Variants in ZMYM5 observed in about 807,000 individuals in gnomAD.
ZMYM5 encodes zinc finger MYM-type protein 5.
ZMYM5 carries 41 observed loss-of-function variants against 61.8 expected under a neutral mutation model. The observed-to-expected ratio is 0.66, with a 90% CI of 0.52 to 0.86. The LOEUF (loss-of-function observed/expected upper bound fraction) is 0.86. ZMYM5 is among the 40% of genes least tolerant of loss of function. The pLI, the probability that ZMYM5 is intolerant of heterozygous loss-of-function variation, is 0.00. For missense variants in ZMYM5, 706 were observed against 786.7 expected (o/e 0.90, Z 1.23); for synonymous variants, 257 against 276.4 (o/e 0.93, Z 0.70).
At chr13:19,854,797 A>G (rs1953445625) in intron 2 of ZMYM5, among the ~76,000 whole-genome samples, 1 of 152,178 alleles carries the variant, frequency 6.6e-6, no homozygotes, top group Non-Finnish European at 1.5e-5. Flanking sequence ...GGAAATTAAG[A>G]GCCAGGAGAT....
At chr13:19,840,232 G>A (rs571164244) in intron 4 of ZMYM5, among the ~76,000 whole-genome samples, 8 of 152,310 alleles carry the variant, frequency 5.3e-5, no homozygotes, top group East Asian at 3.9e-4. Context: ...GAGGCCAGAG[G>A]TTTAAGACTC....
At chr13:19,849,764 G>C (rs1244288994) in intron 4 of ZMYM5, among the ~76,000 whole-genome samples, 1 of 152,122 alleles carries the variant, frequency 6.6e-6, no homozygotes, top group African/African-American at 2.4e-5. Context: ...TGAATCACTT[G>C]AGGTCAGGAG....
chr13:19,850,878 C>A (rs1048890925), intron 4 of ZMYM5, among the ~76,000 whole-genome samples: 2 of 152,124 alleles, frequency 1.3e-5, no homozygotes, highest in East Asian at 1.9e-4. Flanking sequence ...ACCAAGTAGA[C>A]CGTACAGTTT....
At chr13:19,861,901 A>T (rs1205841971) in intron 2 of ZMYM5, among the ~76,000 whole-genome samples, 1 of 151,860 alleles carries the variant, frequency 6.6e-6, no homozygotes, top group Non-Finnish European at 1.5e-5. Context: ...CCTAACAGAG[A>T]GAGATCAGGC....
intron 6 of ZMYM5, chr13:19,837,398 C>A (rs1055587817): frequency 6.9e-7 from 1 of 1,457,360 alleles, no homozygotes; most frequent in Non-Finnish European, 9.0e-7. Context: ...ATAACAAAAT[C>A]CACCATAAAA....
Position 19,826,224 on chromosome 13 carries a change from C to T in ZMYM5, c.1252-989G>A, listed in dbSNP as rs375831279. Among the ~76,000 whole-genome samples, 513 of 151,880 alleles carry T rather than the reference C, an allele frequency of 3.4e-3. 2 individuals carry two copies. The highest frequency in any genetic ancestry group is 0.026 in the South Asian group (126 of 4,804). On this transcript the variant is annotated intron_variant, in intron 7 of 7. Transcript: ENST00000337963. ...TAAATTAGATGGGTATGGTGGCAGG[C>T]GCCTGTAATTCAAACTACTCGGGAG...
intron 7 of ZMYM5, among the ~76,000 whole-genome samples, chr13:19,831,813 A>C (rs964863703): frequency 6.7e-6 from 1 of 150,174 alleles, no homozygotes; most frequent in Non-Finnish European, 1.5e-5. Flanking sequence ...AAAAAAAAAA[A>C]ACCATATGTA....
intron 7 of ZMYM5, among the ~76,000 whole-genome samples, chr13:19,834,667 A>G (rs1699561969): frequency 6.6e-6 from 1 of 152,020 alleles, no homozygotes; most frequent in African/African-American, 2.4e-5. Context: ...AAGAAAAATT[A>G]GTCTTTTAAA....
chr13:19,833,986 T>C (rs1952597108), intron 7 of ZMYM5, among the ~76,000 whole-genome samples: 1 of 152,012 alleles, frequency 6.6e-6, no homozygotes, highest in Non-Finnish European at 1.5e-5. Context: ...TTCCTTTTTC[T>C]TTTTTTTGAG....
chr13:19,858,208 AAAAAAAAC>A (rs1953581784), intron 2 of ZMYM5, among the ~76,000 whole-genome samples: 1 of 151,378 alleles, frequency 6.6e-6, no homozygotes, highest in Non-Finnish European at 1.5e-5. Flanking sequence ...AAAATTAAAA[AAAAAAAAC>A]AAAAAAACCA....
intron 6 of ZMYM5, 31 bp from the exon 7 acceptor site, chr13:19,835,720 G>A: frequency 7.4e-7 from 1 of 1,352,292 alleles, no homozygotes; most frequent in Non-Finnish European, 9.9e-7. Flanking sequence ...CATTAACTAA[G>A]ATATATGAAC....
intron 4 of ZMYM5, among the ~76,000 whole-genome samples, chr13:19,840,323 T>C (rs1442661112): frequency 6.6e-6 from 1 of 152,154 alleles, no homozygotes; most frequent in African/African-American, 2.4e-5. Context: ...GAAACCAGCC[T>C]AGGTAACAAG....
chr13:19,837,769 A>G lies in ZMYM5; in HGVS notation c.925T>C (p.Ser309Pro). Residue 309 changes from serine (S) to proline (P), a missense_variant, in exon 6 of 8, where the codon TCC becomes CCC. Around this residue, in one of 2 missense-constraint regions of ZMYM5, gnomAD observed 480 missense variants for 461.7 expected, o/e 1.04. Coordinates refer to ENST00000337963, the MANE Select transcript of ZMYM5 (RefSeq NM_001142684.2). The part of the protein sequence containing the change: ...NVILPVESSK[S>P]FQEFYSTSCL... Reference sequence around the variant, plus strand: ...GATGTACTATAAAATTCTTGGAAGGATTTGCTTGATTCTACTGGAAGAATG... The same window carrying G: ...GATGTACTATAAAATTCTTGGAAGGGTTTGCTTGATTCTACTGGAAGAATG... 6.3e-7 allele frequency: 1 copy of G among 1,592,212 alleles called. No individual in the cohort carries two copies. The highest frequency in any genetic ancestry group is 1.2e-5 in the South Asian group (1 of 85,842).
At position 19,851,754 on chromosome 13, in the gene ZMYM5, G is replaced by C. The variant is rs1953307231; in HGVS notation, c.427C>G (p.Leu143Val). 3.8e-6 allele frequency: 6 copies of C among 1,597,668 alleles called. No individual in the cohort carries two copies. The highest frequency in any genetic ancestry group is 5.1e-6 in the Non-Finnish European group (6 of 1,176,020). Residue 143 changes from leucine (L) to valine (V), a missense_variant, in exon 3 of 8, where the codon CTT becomes GTT. Physicochemically the swap from Leu to Val is conservative, Grantham distance 32. Around this residue, in one of 2 missense-constraint regions of ZMYM5, gnomAD observed 480 missense variants for 461.7 expected, o/e 1.04. Transcript: ENST00000337963. ...TTGGTTTTGTTTTTAGTTCCAGGAA[G>C]TCCCCATTCGATAAAACAGGAAGAC... ...KKSSCFIEWG[L>V]PGTKNKTNDL...
At chr13:19,858,643 C>T (rs2138656697) in intron 2 of ZMYM5, among the ~76,000 whole-genome samples, 1 of 149,532 alleles carries the variant, frequency 6.7e-6, no homozygotes, top group South Asian at 2.1e-4. Flanking sequence ...TAACTTCGTT[C>T]CCTTCCAAAA....
intron 1 of ZMYM5, among the ~76,000 whole-genome samples, chr13:19,863,048 T>C (rs1053163683): frequency 4.6e-5 from 7 of 152,198 alleles, no homozygotes; most frequent in Admixed American, 2.6e-4. Flanking sequence ...CCTGGGGACC[T>C]CGGCTCCGGC....
intron 2 of ZMYM5, 95 bp from the exon 3 acceptor site, chr13:19,852,285 T>C: frequency 7.6e-7 from 1 of 1,315,352 alleles, no homozygotes; most frequent in Non-Finnish European, 1.0e-6. Flanking sequence ...TTCAAATTAT[T>C]TTTTGTGATA....
chr13:19,837,613 T>C (rs1952715293), intron 6 of ZMYM5, 43 bp downstream of exon 6: 1 of 1,605,850 alleles, frequency 6.2e-7, no homozygotes, highest in Non-Finnish European at 8.5e-7. Context: ...GTTAAAATTA[T>C]CACTGTTAGC....
chr13:19,835,948 C>T lies in ZMYM5; in HGVS notation c.1039-259G>A, dbSNP rs1382029174. Among the ~76,000 whole-genome samples the T allele has an allele frequency of 5.3e-5, 8 of 152,100 alleles. No individual in the cohort carries two copies. In the East Asian group the frequency reaches 1.5e-3, roughly 29 times the overall value. Reference sequence around the variant, plus strand: ...AAGCGATTCTCCTGCCTCAGCCTCCCAAGTAGCTGGGATTACAGGCGCCCG... The same window carrying T: ...AAGCGATTCTCCTGCCTCAGCCTCCTAAGTAGCTGGGATTACAGGCGCCCG... On this transcript the variant is annotated intron_variant, in intron 6 of 7. Coordinates refer to ENST00000337963, the MANE Select transcript of ZMYM5 (RefSeq NM_001142684.2).
Sources: allele counts gnomAD v4.1 joint callset (sites outside exome capture counted in the v4.1 genomes callset), GRCh38; gene constraint gnomAD v4.1.1; regional missense constraint gnomAD v4.1.1; transcripts MANE v1.5; gene names NCBI Gene and HGNC (gene_info 2026-07-23, HGNC 2026-07-21).